PUS10: variants seen among roughly 807,000 people sequenced by gnomAD.
PUS10 encodes pseudouridine synthase 10.
PUS10 carries 59 observed loss-of-function variants against 75.0 expected under a neutral mutation model. That is an observed-to-expected ratio of 0.79 (90% confidence interval 0.64 to 0.98). PUS10 has a LOEUF of 0.98. Ranked by LOEUF, PUS10 falls within the 50% of genes least tolerant of loss-of-function variation. The pLI, the probability that PUS10 is intolerant of heterozygous loss-of-function variation, is 0.00. For missense variants in PUS10, 650 were observed against 614.4 expected (o/e 1.06, Z -0.61); for synonymous variants, 219 against 211.6 (o/e 1.03, Z -0.30).
chr2:60,947,981 A>AGTTTTT (rs1675075267), intron 16 of PUS10, 62 bp downstream of exon 16: 12 of 1,584,362 alleles, frequency 7.6e-6, no homozygotes, highest in Non-Finnish European at 1.0e-5. Context: ...TTTCTAGGGG[A>AGTTTTT]CCATGAACTT....
rs1367569872 is a variant in PUS10, at chr2:61,015,498, G to A, written c.-16+2510C>T. ...GAGGATCATGAGGTCAGGAGATCGA[G>A]ACCATCCTGGCTAACACGATGAAAT... On this transcript the variant is annotated intron_variant, in intron 1 of 17. Transcript: ENST00000316752. Among the ~76,000 whole-genome samples, 6 of 152,060 alleles carry A rather than the reference G, an allele frequency of 3.9e-5. No homozygotes were observed. The East Asian group carries it at 1.2e-3, about 29-fold the overall frequency.
At chr2:60,985,938 CAAAAAA>C (rs59173202) in intron 4 of PUS10, among the ~76,000 whole-genome samples, 1 of 82,142 alleles carries the variant, frequency 1.2e-5, no homozygotes. Context: ...CAGACTTCAC[CAAAAAA>C]AAAAAAAAAA....
intron 2 of PUS10, chr2:61,011,036 C>A: frequency 1.7e-6 from 2 of 1,146,624 alleles, no homozygotes; most frequent in Non-Finnish European, 2.4e-6. Flanking sequence ...TTAAAAATAA[C>A]TGATACTACT....
intron 4 of PUS10, among the ~76,000 whole-genome samples, chr2:60,975,201 C>A (rs1676956837): frequency 6.6e-6 from 1 of 152,122 alleles, no homozygotes; most frequent in African/African-American, 2.4e-5. Context: ...GGCTGGAGTG[C>A]TATGGCGTGA....
At chr2:60,948,212 C>A (rs756872445) in intron 15 of PUS10, 27 bp from the exon 16 acceptor site, 1 of 1,612,544 alleles carries the variant, frequency 6.2e-7, no homozygotes, top group South Asian at 1.1e-5. Flanking sequence ...CACACAGTCC[C>A]AGAGTCAGAG....
intron 4 of PUS10, among the ~76,000 whole-genome samples, chr2:61,000,041 CG>C (rs1353009863): frequency 6.6e-6 from 1 of 152,006 alleles, no homozygotes; most frequent in Admixed American, 6.5e-5. Flanking sequence ...GTGAGGGGCT[CG>C]GGGGTCCTAG....
rs182507796 is a variant in PUS10, at chr2:61,002,466, C to G, written c.468+4091G>C. Among the ~76,000 whole-genome samples the G allele has an allele frequency of 1.7e-3, 260 of 152,212 alleles. 2 individuals are homozygous for G. Among genetic ancestry groups the G allele is most frequent in the South Asian group, 0.014 (69 of 4,816 alleles). ...TCCTGTTTTGTTTTGTTTTTTGAGA[C>G]AGGATCTTACTTTGTTCCAGGCTGG... On this transcript the variant is annotated intron_variant, in intron 4 of 17. Coordinates refer to ENST00000316752, the MANE Select transcript of PUS10 (RefSeq NM_144709.4).
At chr2:61,000,651 C>G (rs1050012456) in intron 4 of PUS10, among the ~76,000 whole-genome samples, 1 of 152,168 alleles carries the variant, frequency 6.6e-6, no homozygotes, top group Non-Finnish European at 1.5e-5. Flanking sequence ...AATCACATCT[C>G]CCTCTTACCC....
At chr2:60,961,423 A>G in intron 10 of PUS10, 40 bp downstream of exon 10, 1 of 1,423,834 alleles carries the variant, frequency 7.0e-7, no homozygotes. Context: ...AAAGGAGAGT[A>G]CGTTCACAGT....
rs1675083511 is a variant in PUS10 at position 60,948,046 on chromosome 2, CCA to C, written c.1446_1447del (p.Gly483HisfsTer4). ...AGTGCAGCAGGTGGAAGGATACGTG[CCA>C]GCCTGAGTTTTCAAGTGGAGGCGGA... is the stretch of plus-strand genomic sequence containing the variant. On this transcript the variant is annotated frameshift_variant, in exon 16 of 18. Transcript: ENST00000316752. LOFTEE classifies it high-confidence loss of function. 1 of 1,613,918 alleles carries C rather than the reference CCA, an allele frequency of 6.2e-7. No homozygotes were observed. Among genetic ancestry groups the C allele is most frequent in the Non-Finnish European group, 8.5e-7 (1 of 1,180,006 alleles).
At chr2:60,995,867 C>A (rs1327499287) in intron 4 of PUS10, among the ~76,000 whole-genome samples, 4 of 152,202 alleles carry the variant, frequency 2.6e-5, no homozygotes, top group African/African-American at 9.7e-5. Context: ...TCTGAATGCA[C>A]CTGATCTCCC....
intron 4 of PUS10, 22 bp from the exon 5 acceptor site, chr2:60,971,579 C>CTT: frequency 1.2e-6 from 2 of 1,611,124 alleles, no homozygotes; most frequent in Non-Finnish European, 1.7e-6. Context: ...TTAGTCACAC[C>CTT]CAGAAAGAGA....
At position 61,012,887 on chromosome 2, in the gene PUS10, T is replaced by TATATATAC. The variant is rs67357917; in HGVS notation, c.-15-983_-15-982insGTATATAT. On this transcript the variant is annotated intron_variant, in intron 1 of 17. Transcript: ENST00000316752. ...AAAAAAATATATATATATATATATATACACACACACACATATGCCTATTAC... is the reference window on the plus strand; with the variant it reads ...AAAAAAATATATATATATATATATATATATATACACACACACACACATATGCCTATTAC... 7.1e-4 allele frequency among the ~76,000 whole-genome samples: 63 copies of TATATATAC among 88,852 alleles called. 1 individual carries two copies. Among genetic ancestry groups the TATATATAC allele is most frequent in the African/African-American group, 1.2e-3 (29 of 24,558 alleles). The allele number at this position is 88,852 out of a possible 152,430, so 58.3% of individuals were successfully genotyped here.
intron 3 of PUS10, among the ~76,000 whole-genome samples, chr2:61,007,490 C>T (rs1452707314): frequency 1.3e-5 from 2 of 151,526 alleles, no homozygotes; most frequent in Middle Eastern, 3.4e-3. Context: ...ACCAGAAGGT[C>T]GGGCGTGGTG....
intron 4 of PUS10, among the ~76,000 whole-genome samples, chr2:60,988,341 T>A (rs1001917711): frequency 4.6e-5 from 7 of 152,116 alleles, no homozygotes; most frequent in African/African-American, 1.7e-4. Context: ...ATAAATAAAA[T>A]TTTGACATGT....
Position 60,960,469 on chromosome 2 carries a change from A to G in PUS10, c.923T>C (p.Ile308Thr). 1.9e-6 allele frequency: 3 copies of G among 1,574,010 alleles called. No individual in the cohort carries two copies. The highest frequency in any genetic ancestry group is 2.6e-6 in the Non-Finnish European group (3 of 1,165,510). The stretch of plus-strand genomic sequence containing the variant: ...AGATTCCAGCTTCCTTTCTCCATCA[A>G]TTATCCAAGGAGTTTGTGGTAGATT... ...SRNLPQTPWI[I>T]DGERKLESSV... The change falls in exon 11 of 18, where the codon ATT becomes ACT. Residue 308 changes from isoleucine to threonine, a missense_variant. Physicochemically the swap from Ile to Thr is moderately conservative, Grantham distance 89 (BLOSUM62 -1). Transcript: ENST00000316752.
At chr2:60,967,434 C>G (rs1254904765) in intron 6 of PUS10, 68 bp downstream of exon 6, 36 of 1,087,260 alleles carry the variant, frequency 3.3e-5, no homozygotes, top group Admixed American at 4.8e-5. Context: ...TAACCAAAAC[C>G]CTGCCATATA....
intron 15 of PUS10, among the ~76,000 whole-genome samples, chr2:60,950,694 C>A (rs1675283244): frequency 6.6e-6 from 1 of 152,190 alleles, no homozygotes; most frequent in African/African-American, 2.4e-5. Flanking sequence ...GCTGGGATTA[C>A]AGGTGTAAGC....
intron 4 of PUS10, among the ~76,000 whole-genome samples, chr2:60,984,033 A>T (rs1677570802): frequency 1.3e-5 from 2 of 152,158 alleles, no homozygotes; most frequent in South Asian, 4.1e-4. Flanking sequence ...AAAAACATTT[A>T]AAAACACATA....
Sources: allele counts gnomAD v4.1 joint callset (sites outside exome capture counted in the v4.1 genomes callset), GRCh38; gene constraint gnomAD v4.1.1; transcripts MANE v1.5; gene names NCBI Gene and HGNC (gene_info 2026-07-23, HGNC 2026-07-21).